Variants in DSE observed in about 807,000 individuals in gnomAD.
DSE encodes the protein dermatan-sulfate epimerase.
DSE carries 36 observed loss-of-function variants against 84.4 expected under a neutral mutation model. The observed-to-expected ratio is 0.43, with a 90% CI of 0.33 to 0.56. The LOEUF is 0.56. DSE is among the 20% of genes least tolerant of loss of function. The probability of loss-of-function intolerance (pLI) is 0.06; values close to 1 mark genes in which losing one functional copy is unlikely to be tolerated. For synonymous variants in DSE, 410 were observed against 430.1 expected, an observed-to-expected ratio of 0.95 and a Z score of 0.58; for missense variants, 862 against 1,169.6, an observed-to-expected ratio of 0.74 and a Z score of 3.84.
intron 1 of DSE, among the ~76,000 whole-genome samples, chr6:116,384,429 G>A (rs1583143146): frequency 6.6e-6 from 1 of 152,230 alleles, no homozygotes. Flanking sequence ...GATGGCGAAA[G>A]TTGGGGGTAA....
chr6:116,270,929 G>T (rs1772851911), intron 2 of DSE, among the ~76,000 whole-genome samples: 1 of 152,084 alleles, frequency 6.6e-6, no homozygotes. Flanking sequence ...CCATTAAATG[G>T]AGATAGTGAC....
intron 2 of DSE, among the ~76,000 whole-genome samples, chr6:116,311,139 G>A (rs1309742872): frequency 6.6e-6 from 1 of 152,128 alleles, no homozygotes; most frequent in Non-Finnish European, 1.5e-5. Context: ...CCTCTTCAAA[G>A]GCTGTCTTTG....
chr6:116,343,171 T>G (rs1777720834), intron 2 of DSE, among the ~76,000 whole-genome samples: 1 of 152,232 alleles, frequency 6.6e-6, no homozygotes. Context: ...CAGAGCCCAC[T>G]GCAGGTCAAG....
chr6:116,402,184 C>G (rs1781639823), intron 2 of DSE, among the ~76,000 whole-genome samples: 1 of 152,064 alleles, frequency 6.6e-6, no homozygotes, highest in Non-Finnish European at 1.5e-5. Flanking sequence ...GTTCTTAAAG[C>G]CTAAGCTAAG....
At chr6:116,314,088 T>A (rs1775839018) in intron 2 of DSE, among the ~76,000 whole-genome samples, 1 of 152,224 alleles carries the variant, frequency 6.6e-6, no homozygotes, top group Non-Finnish European at 1.5e-5. Context: ...TCCCCCATTT[T>A]TTTTTCTGTC....
rs746129064 is a variant in DSE at position 116,436,660 on chromosome 6, T to C, written c.2192T>C (p.Ile731Thr). The C allele has an allele frequency of 3.1e-6, 5 of 1,614,066 alleles. No homozygotes were observed. The highest frequency in any genetic ancestry group is 4.2e-6 in the Non-Finnish European group (5 of 1,180,042). Residue 731 changes from isoleucine to threonine, a missense_variant, in exon 6 of 6, where the codon ATT (isoleucine) becomes ACT (threonine). Transcript: ENST00000644252. ...CGGAATTCAGCCATCAAGAGCAGCA[T>C]TGTCCCTGAGGTGAAGGACTATGCT... is the stretch of plus-strand genomic sequence containing the variant. ...FDRNSAIKSSIVPEVKDYAAI... is the reference protein window; with the variant it reads ...FDRNSAIKSSTVPEVKDYAAI...
chr6:116,371,307 C>T (rs903910788), intron 1 of DSE, among the ~76,000 whole-genome samples, 186 bp downstream of exon 1: 2 of 152,186 alleles, frequency 1.3e-5, no homozygotes, highest in Non-Finnish European at 2.9e-5. Context: ...CGAGAGAGCG[C>T]CTGACGCGTG....
intron 2 of DSE, chr6:116,280,015 C>A: frequency 1.3e-6 from 1 of 778,690 alleles, no homozygotes; most frequent in Non-Finnish European, 2.2e-6. Flanking sequence ...TCCGCCGCTC[C>A]CTGCCAGCCA....
intron 2 of DSE, chr6:116,412,356 A>G (rs897702154): frequency 6.6e-6 from 1 of 152,088 alleles, no homozygotes; most frequent in Non-Finnish European, 1.5e-5. Flanking sequence ...ATACAACACC[A>G]TCTGCCCTCT....
intron 2 of DSE, among the ~76,000 whole-genome samples, chr6:116,328,379 A>G (rs1451382602): frequency 1.3e-5 from 2 of 152,228 alleles, no homozygotes; most frequent in African/African-American, 4.8e-5. Context: ...ATTTTAATCA[A>G]ATTTCTCATA....
chr6:116,417,027 T>C (rs1310899451), intron 2 of DSE, among the ~76,000 whole-genome samples: 2 of 152,204 alleles, frequency 1.3e-5, no homozygotes, highest in Non-Finnish European at 2.9e-5. Context: ...TTCTCCATTA[T>C]AATAGATTCT....
At chr6:116,361,669 T>G (rs1562253928) in intron 2 of DSE, among the ~76,000 whole-genome samples, 7 of 151,782 alleles carry the variant, frequency 4.6e-5, no homozygotes, top group African/African-American at 9.7e-5. Flanking sequence ...AAAGAAAAAT[T>G]TGTGTGTGTG....
intron 2 of DSE, among the ~76,000 whole-genome samples, chr6:116,324,319 G>A (rs538803691): frequency 6.6e-6 from 1 of 152,258 alleles, no homozygotes; most frequent in South Asian, 2.1e-4. Flanking sequence ...GCAAGATCCA[G>A]GAAAGCAAAG....
intron 2 of DSE, among the ~76,000 whole-genome samples, chr6:116,266,275 T>C (rs1772625561): frequency 6.6e-6 from 1 of 152,208 alleles, no homozygotes; most frequent in Non-Finnish European, 1.5e-5. Context: ...GCCGACATTA[T>C]TGGACAACTG....
At chr6:116,435,201 A>G (rs1186287646) in intron 5 of DSE, among the ~76,000 whole-genome samples, 2 of 152,222 alleles carry the variant, frequency 1.3e-5, no homozygotes, top group Non-Finnish European at 2.9e-5. Flanking sequence ...GGCTTGTTAG[A>G]GTCCAGATTC....
Position 116,321,262 on chromosome 6 carries a change from C to A in DSE, c.-54+62295C>A, listed in dbSNP as rs570370422. Among the ~76,000 whole-genome samples the A allele has an allele frequency of 6.6e-3, 5 of 758 alleles. No homozygotes were observed. The South Asian group carries it at 0.25, about 38-fold the overall frequency. 0.5% of individuals were successfully genotyped at this position (758 alleles called of 152,430 possible). ...AAGCATAGCTCACTGCAGTCTTGAA[C>A]ACCTGTGCTCAAGTGATCCTCCTCT... On this transcript the variant is annotated intron_variant, in intron 2 of 3. Transcript: ENST00000430252.
chr6:116,285,099 A>T (rs971235492), intron 2 of DSE, among the ~76,000 whole-genome samples: 1 of 152,168 alleles, frequency 6.6e-6, no homozygotes, highest in Non-Finnish European at 1.5e-5. Context: ...CGCCACACTG[A>T]CTTCCACAAT....
At chr6:116,361,803 T>C (rs1294779531) in intron 2 of DSE, among the ~76,000 whole-genome samples, 3 of 152,186 alleles carry the variant, frequency 2.0e-5, no homozygotes, top group Admixed American at 1.3e-4. Context: ...ATTTAGCAAA[T>C]GTACTATCAC....
intron 1 of DSE, among the ~76,000 whole-genome samples, chr6:116,372,982 A>G (rs929534540): frequency 2.0e-5 from 3 of 152,150 alleles, no homozygotes; most frequent in Non-Finnish European, 2.9e-5. Flanking sequence ...TTAGTTAAAT[A>G]AAAACACTGG....
Sources: gnomAD v4.1 joint callset for allele counts (sites outside exome capture counted in the v4.1 genomes callset) on GRCh38, gnomAD v4.1.1 for gene constraint, MANE v1.5 for transcripts, NCBI Gene and HGNC (gene_info 2026-07-23, HGNC 2026-07-21) for gene names.